The following PCDHA2 variants were observed in gnomAD, a reference collection of about 807,000 sequenced individuals.
PCDHA2 encodes protocadherin alpha 2.
A neutral mutation model predicts 66.0 loss-of-function variants in PCDHA2; 58 were observed. The observed-to-expected ratio is 0.88, with a 90% CI of 0.71 to 1.09. The LOEUF is 1.09. PCDHA2 is among the 50% of genes least tolerant of loss of function. The probability of loss-of-function intolerance (pLI) is 0.00; values close to 1 mark genes in which losing one functional copy is unlikely to be tolerated. For missense variants in PCDHA2, 1,267 were observed against 1,242.3 expected (o/e 1.02, Z -0.30); for synonymous variants, 634 against 554.0 (o/e 1.14, Z -2.03).
intron 1 of PCDHA2, chr5:140,858,817 G>T: frequency 2.9e-6 from 1 of 345,470 alleles, no homozygotes; most frequent in African/African-American, 2.2e-5. Flanking sequence ...TGATTTGATT[G>T]TATTTGCATT....
At chr5:140,889,042 A>G (rs1395605890) in intron 1 of PCDHA2, among the ~76,000 whole-genome samples, 1 of 152,046 alleles carries the variant, frequency 6.6e-6, no homozygotes, top group African/African-American at 2.4e-5. Context: ...ATTTGATTAT[A>G]ATTTATAATC....
intron 1 of PCDHA2, among the ~76,000 whole-genome samples, chr5:140,906,117 C>A (rs1554192403): frequency 6.6e-6 from 1 of 152,180 alleles, no homozygotes; most frequent in Non-Finnish European, 1.5e-5. Flanking sequence ...AGTCCACTGA[C>A]ACAAATGTTA....
At chr5:140,966,798 C>T in intron 1 of PCDHA2, 1 of 1,537,636 alleles carries the variant, frequency 6.5e-7, no homozygotes, top group Non-Finnish European at 8.7e-7. Context: ...CCTGCGGCGA[C>T]AGAGCATCCA....
At chr5:140,812,707 C>T (rs1403479725) in intron 1 of PCDHA2, 1 of 152,214 alleles carries the variant, frequency 6.6e-6, no homozygotes, top group Non-Finnish European at 1.5e-5. Flanking sequence ...GATCCTTGTG[C>T]CTTGGATTCC....
intron 1 of PCDHA2, chr5:140,861,935 C>T (rs2047149357): frequency 6.5e-6 from 1 of 153,898 alleles, no homozygotes; most frequent in Admixed American, 6.5e-5. Flanking sequence ...TGATGATGCC[C>T]AGTGTTTGAC....
rs1311209449 is a variant in PCDHA2, at chr5:141,010,944, A to G, written c.*1007A>G. On this transcript the variant is annotated 3_prime_UTR_variant, in exon 4 of 4. Transcript: ENST00000526136. ...GAGAATTCAGTCTACAGCCATTTAA[A>G]TGATCATTGCTGCTACAGAAGTGCT... 6.5e-6 allele frequency: 1 copy of G among 153,776 alleles called. No individual in the cohort carries two copies. The highest frequency in any genetic ancestry group is 2.4e-5 in the African/African-American group (1 of 41,450). 9.5% of individuals were successfully genotyped at this position (153,776 alleles called of 1,614,324 possible).
intron 1 of PCDHA2, chr5:140,862,267 A>G (rs968907254): frequency 8.7e-6 from 2 of 230,002 alleles, no homozygotes; most frequent in African/African-American, 4.5e-5. Flanking sequence ...GCAGTAAGTC[A>G]CTATCATTCC....
At chr5:140,858,877 T>C (rs1192816588) in intron 1 of PCDHA2, 1 of 245,498 alleles carries the variant, frequency 4.1e-6, no homozygotes, top group Non-Finnish European at 7.9e-6. Context: ...TGTGTTTTCC[T>C]CCATGTGTAG....
intron 3 of PCDHA2, among the ~76,000 whole-genome samples, chr5:141,007,425 A>G (rs369535619): frequency 6.6e-4 from 98 of 148,834 alleles, no homozygotes; most frequent in African/African-American, 2.3e-3. Context: ...AAAATTAGCC[A>G]GGCATGGTGG....
In PCDHA2 at chr5:140,849,843, G is replaced by A. The variant is rs2150453087; in HGVS notation, c.2388+52491G>A. 8 of 1,598,500 alleles carry A rather than the reference G, an allele frequency of 5.0e-6. 1 individual carries two copies. The highest frequency in any genetic ancestry group is 3.3e-5 in the South Asian group (3 of 90,550). On this transcript the variant is annotated intron_variant, in intron 1 of 3. Transcript: ENST00000526136. Reference sequence around the variant, plus strand: ...GTCTGTGGAGGTGGCCGACGTGAACGACAACGCACCAGCGTTCGCGCAGTC... The same window carrying A: ...GTCTGTGGAGGTGGCCGACGTGAACAACAACGCACCAGCGTTCGCGCAGTC...
At chr5:140,839,764 G>A (rs893515240) in intron 1 of PCDHA2, among the ~76,000 whole-genome samples, 1 of 151,822 alleles carries the variant, frequency 6.6e-6, no homozygotes, top group South Asian at 2.1e-4. Flanking sequence ...TTTAACCTAC[G>A]TTTTTGGTAA....
Position 140,829,163 on chromosome 5 carries a change from C to T in PCDHA2, c.2388+31811C>T, listed in dbSNP as rs1371458917. The T allele has an allele frequency of 5.0e-6, 8 of 1,613,906 alleles. No individual in the cohort carries two copies. The East Asian group carries it at 1.8e-4, about 36-fold the overall frequency. On this transcript the variant is annotated intron_variant, in intron 1 of 3. Coordinates refer to ENST00000526136, the MANE Select transcript of PCDHA2 (RefSeq NM_018905.3). ...GATAGCACTGACTTCCTTATCCTTG[C>T]CTGTACGTGAAGACGCTCAATTTGG... is the stretch of plus-strand genomic sequence containing the variant.
intron 2 of PCDHA2, among the ~76,000 whole-genome samples, chr5:140,981,011 T>C (rs1363062809): frequency 6.6e-6 from 1 of 152,132 alleles, no homozygotes; most frequent in African/African-American, 2.4e-5. Flanking sequence ...CCAGGAACAC[T>C]TGAAGGCTGT....
chr5:141,001,360 A>G (rs1432580617), intron 3 of PCDHA2, among the ~76,000 whole-genome samples: 2 of 152,212 alleles, frequency 1.3e-5, no homozygotes, highest in Non-Finnish European at 2.9e-5. Flanking sequence ...GTTTAAGCCT[A>G]CTATTCTGAT....
At chr5:140,891,586 A>C (rs1296110221) in intron 1 of PCDHA2, among the ~76,000 whole-genome samples, 1 of 151,924 alleles carries the variant, frequency 6.6e-6, no homozygotes, top group Non-Finnish European at 1.5e-5. Flanking sequence ...TAATCTTATT[A>C]CTCTATCCCA....
At chr5:140,836,501 G>C (rs1554136017) in intron 1 of PCDHA2, 6 of 1,613,866 alleles carry the variant, frequency 3.7e-6, no homozygotes, top group Non-Finnish European at 5.1e-6. Context: ...CCATCTGCGC[G>C]GTGTCCAGTC....
At chr5:140,985,377 A>G (rs782189204) in intron 3 of PCDHA2, among the ~76,000 whole-genome samples, 10 of 152,188 alleles carry the variant, frequency 6.6e-5, no homozygotes, top group Non-Finnish European at 5.9e-5. Context: ...CTGGGTCTAT[A>G]TAATCCAGTC....
chr5:140,809,653 A>T lies in PCDHA2; in HGVS notation c.2388+12301A>T, dbSNP rs1315085871. 5 of 1,493,784 alleles carry T rather than the reference A, an allele frequency of 3.3e-6. No homozygotes were observed. The African/African-American group carries it at 5.6e-5, about 17-fold the overall frequency. The allele number at this position is 1,493,784 out of a possible 1,614,324, so 92.5% of individuals were successfully genotyped here. On this transcript the variant is annotated intron_variant, in intron 1 of 3. Transcript: ENST00000526136. Reference sequence around the variant, plus strand: ...CTTCGTAAATTTATTTCTAAGAGTCAAATTTCCCTGGGTTAAAATTTTACC... The same window carrying T: ...CTTCGTAAATTTATTTCTAAGAGTCTAATTTCCCTGGGTTAAAATTTTACC...
intron 1 of PCDHA2, chr5:140,969,506 G>A (rs1262259666): frequency 2.9e-5 from 41 of 1,426,940 alleles, no homozygotes; most frequent in Non-Finnish European, 3.6e-5. Context: ...TAGAAAAATA[G>A]CACTAAAGAA....
Sources: gnomAD v4.1 joint callset for allele counts (sites outside exome capture counted in the v4.1 genomes callset) on GRCh38, gnomAD v4.1.1 for gene constraint, MANE v1.5 for transcripts, NCBI Gene and HGNC (gene_info 2026-07-23, HGNC 2026-07-21) for gene names.